TTC3: variants seen among roughly 807,000 people sequenced by gnomAD.
TTC3 encodes the protein E3 ubiquitin-protein ligase TTC3.
A neutral mutation model predicts 249.6 loss-of-function variants in TTC3; 180 were observed. The observed-to-expected ratio is 0.72, with a 90% confidence interval of 0.64 to 0.82. The LOEUF is 0.82. Ranked by LOEUF, TTC3 falls within the 40% of genes least tolerant of loss-of-function variation. The pLI is 0.00. For missense variants in TTC3, 2,061 were observed against 2,398.4 expected, an observed-to-expected ratio of 0.86 and a Z score of 2.94; for synonymous variants, 717 against 805.0, an observed-to-expected ratio of 0.89 and a Z score of 1.85.
rs2079626115 is a variant in TTC3 at position 37,152,999 on chromosome 21, TAC to T, written c.2464_2465del (p.Gln822ValfsTer7). 6.2e-7 allele frequency: 1 copy of T among 1,612,704 alleles called. No homozygotes were observed. The highest frequency in any genetic ancestry group is 1.7e-5 in the Admixed American group (1 of 59,830). On this transcript the variant is annotated frameshift_variant, in exon 27 of 46. Transcript: ENST00000355666. LOFTEE classifies it high-confidence loss of function. ...TGTCAGTTCCTTGATGACAGAATTC[TAC>T]AGTGTATAAAGCAGTATGCTGACAA...
chr21:37,168,061 A>C (rs753954936), intron 34 of TTC3, among the ~76,000 whole-genome samples: 4 of 152,086 alleles, frequency 2.6e-5, no homozygotes, highest in Non-Finnish European at 5.9e-5. Flanking sequence ...AAACCTACTA[A>C]TATAATTTAG....
exon 28 of TTC3, chr21:37,156,678 T>G: frequency 6.2e-7 from 1 of 1,612,628 alleles, no homozygotes; most frequent in Non-Finnish European, 8.5e-7. Flanking sequence ...AGGAACTTTC[T>G]TTTCTCGTTA....
exon 27 of TTC3, chr21:37,153,051 A>G (rs1424070260): frequency 6.2e-7 from 1 of 1,614,006 alleles, no homozygotes; most frequent in Non-Finnish European, 8.5e-7. Flanking sequence ...TACAGAATAC[A>G]GCCATGCTTC....
intron 17 of TTC3, 108 bp from the exon 18 acceptor site, chr21:37,135,272 T>C (rs2252893): frequency 0.49 from 606,986 of 1,246,762 alleles, 150,036 homozygotes; most frequent in African/African-American, 0.64. Flanking sequence ...GGTATTGATG[T>C]AAACATTTTA....
intron 30 of TTC3, among the ~76,000 whole-genome samples, chr21:37,161,681 A>T (rs2080769227): frequency 6.6e-6 from 1 of 152,234 alleles, no homozygotes; most frequent in Non-Finnish European, 1.5e-5. Flanking sequence ...ACAGTTAAGG[A>T]GTTCCAATAC....
At chr21:37,105,511 C>A (rs186586759) in intron 10 of TTC3, among the ~76,000 whole-genome samples, 6 of 152,102 alleles carry the variant, frequency 3.9e-5, no homozygotes, top group Admixed American at 3.9e-4. Flanking sequence ...TGTCTTATGT[C>A]CTTTAAAAAA....
At chr21:37,126,168 G>A (rs2077032284) in intron 15 of TTC3, 25 bp downstream of exon 15, 1 of 1,595,476 alleles carries the variant, frequency 6.3e-7, no homozygotes, top group African/African-American at 1.4e-5. Context: ...TATATCAATT[G>A]TTGCCAAGTT....
At chr21:37,165,584 T>C (rs1307433721) in exon 33 of TTC3, 1 of 1,610,982 alleles carries the variant, frequency 6.2e-7, no homozygotes, top group Admixed American at 1.7e-5. Flanking sequence ...ACATGGTCCC[T>C]TGGACATGAG....
At chr21:37,171,952 C>G (rs1033411837) in intron 34 of TTC3, among the ~76,000 whole-genome samples, 2 of 152,210 alleles carry the variant, frequency 1.3e-5, no homozygotes, top group Non-Finnish European at 2.9e-5. Flanking sequence ...TTACCTGCAG[C>G]TGGAGAAGCT....
chr21:37,198,411 C>T (rs1030523538), intron 44 of TTC3, among the ~76,000 whole-genome samples: 2 of 152,206 alleles, frequency 1.3e-5, no homozygotes, highest in East Asian at 3.8e-4. Context: ...TTCTGTGTAA[C>T]CATGGCTTTG....
At chr21:37,111,611 C>T (rs1601514575) in intron 11 of TTC3, among the ~76,000 whole-genome samples, 1 of 152,176 alleles carries the variant, frequency 6.6e-6, no homozygotes, top group East Asian at 1.9e-4. Context: ...GAGACTTTAA[C>T]ACCCCACTGT....
At chr21:37,119,442 G>A (rs546686635) in intron 11 of TTC3, among the ~76,000 whole-genome samples, 2 of 152,166 alleles carry the variant, frequency 1.3e-5, no homozygotes, top group African/African-American at 4.8e-5. Flanking sequence ...GCTGTGGACC[G>A]TTGTCCCCCA....
chr21:37,108,213 T>C (rs895310127), intron 10 of TTC3, 179 bp from the exon 11 acceptor site: 1 of 507,288 alleles, frequency 2.0e-6, no homozygotes. Context: ...CCCTTTGTTT[T>C]ATTTTTCTGT....
chr21:37,140,706 G>A (rs752028157), intron 20 of TTC3, 33 bp downstream of exon 20: 2 of 1,437,956 alleles, frequency 1.4e-6, no homozygotes, highest in Non-Finnish European at 1.9e-6. Context: ...TAAGCTCTAG[G>A]CTGGTAACTC....
chr21:37,078,642 A>G (rs896471865), intron 1 of TTC3, among the ~76,000 whole-genome samples: 5 of 152,160 alleles, frequency 3.3e-5, no homozygotes, highest in Non-Finnish European at 5.9e-5. Flanking sequence ...ATTTTTAAAA[A>G]TATTGACCCT....
intron 19 of TTC3, among the ~76,000 whole-genome samples, chr21:37,140,236 T>G (rs2078314364): frequency 6.6e-6 from 1 of 152,130 alleles, no homozygotes; most frequent in South Asian, 2.1e-4. Flanking sequence ...TAGCCTTTTT[T>G]AAAAAACAAA....
At chr21:37,085,407 C>A (rs76993307) in intron 1 of TTC3, among the ~76,000 whole-genome samples, 2,184 of 152,170 alleles carry the variant, frequency 0.014, 126 homozygotes, top group Admixed American at 0.11. Flanking sequence ...CATTAATGAT[C>A]CTAATGAAAG....
intron 11 of TTC3, among the ~76,000 whole-genome samples, chr21:37,112,430 A>G (rs1345394289): frequency 6.6e-6 from 1 of 152,248 alleles, no homozygotes; most frequent in African/African-American, 2.4e-5. Context: ...CAAATAAACT[A>G]GAAAATCTAG....
chr21:37,089,641 G>A (rs1231207163), intron 5 of TTC3, among the ~76,000 whole-genome samples: 1 of 152,112 alleles, frequency 6.6e-6, no homozygotes, highest in Non-Finnish European at 1.5e-5. Flanking sequence ...AGCCTCCCGA[G>A]TAGCTGGGAC....
Sources: allele counts gnomAD v4.1 joint callset (sites outside exome capture counted in the v4.1 genomes callset), GRCh38; gene constraint gnomAD v4.1.1; transcripts MANE v1.5; gene names NCBI Gene and HGNC (gene_info 2026-07-23, HGNC 2026-07-21).